Variants in FAT3 observed in about 807,000 individuals in gnomAD.
FAT3 encodes FAT atypical cadherin 3.
A neutral mutation model predicts 310.2 loss-of-function variants in FAT3; 95 were observed. The ratio of observed to expected loss-of-function variants is 0.31; its 90% CI spans 0.26 to 0.36. The LOEUF (loss-of-function observed/expected upper bound fraction) is 0.36. Ranked by LOEUF, FAT3 falls within the 10% of genes least tolerant of loss-of-function variation. The pLI is 1.00. For missense variants in FAT3, 5,408 were observed against 5,715.6 expected, an observed-to-expected ratio of 0.95 and a Z score of 1.74; for synonymous variants, 2,314 against 2,192.9, an observed-to-expected ratio of 1.06 and a Z score of -1.54.
At chr11:92,265,247 A>T (rs1050931512) in intron 1 of FAT3, among the ~76,000 whole-genome samples, 1 of 151,700 alleles carries the variant, frequency 6.6e-6, no homozygotes, top group South Asian at 2.1e-4. Context: ...GCTTGACTAG[A>T]CTAGGAACAA....
At chr11:92,494,127 G>T (rs1952685497) in intron 2 of FAT3, among the ~76,000 whole-genome samples, 1 of 151,552 alleles carries the variant, frequency 6.6e-6, no homozygotes, top group South Asian at 2.1e-4. Context: ...GAGAGTGAGT[G>T]CAGGGGAAAA....
chr11:92,774,208 G>A (rs367758892), intron 7 of FAT3, 28 bp downstream of exon 7: 2 of 1,580,014 alleles, frequency 1.3e-6, no homozygotes, highest in Non-Finnish European at 1.7e-6. Context: ...TGAATAGCAG[G>A]AATGCTGAAA....
rs766005234 is a variant in FAT3 at position 92,834,879 on chromosome 11, C to T, written c.9881C>T (p.Ser3294Phe). The T allele has an allele frequency of 3.7e-6, 6 of 1,606,996 alleles. No homozygotes were observed. In the South Asian group the frequency reaches 6.7e-5, roughly 18 times the overall value. ...CCATTTTTCTTCAAAGGGGGTATTT[C>T]TGTCTCTGAAGTCCTGGACTATGAA... ...FKINPKTGGISVSEVLDYELC... is the reference protein window; with the variant it reads ...FKINPKTGGIFVSEVLDYELC... The change falls in exon 15 of 28, where the codon TCT (serine) becomes TTT (phenylalanine). Residue 3294 changes from serine to phenylalanine, a missense_variant. By Grantham distance (155) the Ser-to-Phe change is radical. Coordinates refer to ENST00000525166, the MANE Select transcript of FAT3 (RefSeq NM_001367949.2).
chr11:92,421,501 T>C (rs1046098535), intron 2 of FAT3, among the ~76,000 whole-genome samples: 6 of 152,218 alleles, frequency 3.9e-5, no homozygotes, highest in Non-Finnish European at 8.8e-5. Context: ...CCCTGTTTTA[T>C]TGGCAAGTGA....
Position 92,893,353 on chromosome 11 carries a change from G to A in FAT3, c.*2240G>A, listed in dbSNP as rs1345232222. The A allele has an allele frequency of 1.3e-5, 2 of 152,150 alleles. No individual in the cohort carries two copies. The highest frequency in any genetic ancestry group is 1.9e-4 in the East Asian group (1 of 5,204). The allele number at this position is 152,150 out of a possible 1,614,324, so 9.4% of individuals were successfully genotyped here. A position where few individuals can be genotyped will look rare whatever the true frequency, so the allele number is the denominator to read the frequency against. ...ACAAAGTCTTTGGTATTTTTCTTAT[G>A]TAAGAAGCACATTTGCAAGAATCAT... On this transcript the variant is annotated 3_prime_UTR_variant, in exon 28 of 28. Coordinates refer to ENST00000525166, the MANE Select transcript of FAT3 (RefSeq NM_001367949.2).
chr11:92,453,920 T>C (rs992212378), intron 2 of FAT3, among the ~76,000 whole-genome samples: 1 of 152,208 alleles, frequency 6.6e-6, no homozygotes, highest in Non-Finnish European at 1.5e-5. Flanking sequence ...AGGAAATTCT[T>C]TTATTTGTTT....
intron 2 of FAT3, among the ~76,000 whole-genome samples, chr11:92,412,366 G>T (rs1950291667): frequency 2.8e-5 from 4 of 142,764 alleles, no homozygotes; most frequent in Admixed American, 1.5e-4. Flanking sequence ...CTCCCAAAGT[G>T]CTGGGATTAC....
Position 92,417,942 on chromosome 11 carries a change from C to T in FAT3, c.3292+62538C>T, listed in dbSNP as rs73548456. Among the ~76,000 whole-genome samples, 1,440 of 152,166 alleles carry T rather than the reference C, an allele frequency of 9.5e-3. 17 individuals carry two copies. The highest frequency in any genetic ancestry group is 0.034 in the African/African-American group (1,393 of 41,520). On this transcript the variant is annotated intron_variant, in intron 2 of 27. Transcript: ENST00000525166. ...CAGTAGATATAGAAGGTGCTTTACC[C>T]CTAAACCAGCAGGTGCTTAATGAAT...
At chr11:92,300,419 T>C (rs568438585) in intron 1 of FAT3, among the ~76,000 whole-genome samples, 46 of 152,262 alleles carry the variant, frequency 3.0e-4, no homozygotes, top group African/African-American at 1.1e-3. Flanking sequence ...GGGCTTTGTC[T>C]TACACACTTT....
At chr11:92,341,900 A>C (rs1045892502) in intron 1 of FAT3, among the ~76,000 whole-genome samples, 2 of 152,110 alleles carry the variant, frequency 1.3e-5, no homozygotes, top group African/African-American at 4.8e-5. Context: ...AACCTTCATG[A>C]AGCCAGATAT....
At position 92,291,956 on chromosome 11, in the gene FAT3, A is replaced by C. The variant is rs191324185; in HGVS notation, c.-17-60140A>C. Among the ~76,000 whole-genome samples, 245 of 152,178 alleles carry C rather than the reference A, an allele frequency of 1.6e-3. 1 individual carries two copies. Among genetic ancestry groups the C allele is most frequent in the African/African-American group, 5.7e-3 (236 of 41,568 alleles). The stretch of plus-strand genomic sequence containing the variant: ...TTATTTTTTTCAAGGAAAAAATATC[A>C]CTTTTAGCAATATCATGGTTTTTTT... On this transcript the variant is annotated intron_variant, in intron 1 of 27. Coordinates refer to ENST00000525166, the MANE Select transcript of FAT3 (RefSeq NM_001367949.2).
At chr11:92,866,210 T>C (rs1286630822) in intron 21 of FAT3, among the ~76,000 whole-genome samples, 2 of 152,202 alleles carry the variant, frequency 1.3e-5, no homozygotes, top group Non-Finnish European at 2.9e-5. Context: ...AACATATATG[T>C]ATTTGTGTGA....
At chr11:92,248,549 G>GTACT (rs1261833009) in intron 1 of FAT3, among the ~76,000 whole-genome samples, 1 of 152,066 alleles carries the variant, frequency 6.6e-6, no homozygotes. Flanking sequence ...AATTTACCCT[G>GTACT]TACTTGCCAC....
At chr11:92,337,452 A>G (rs1041646059) in intron 1 of FAT3, among the ~76,000 whole-genome samples, 1 of 152,108 alleles carries the variant, frequency 6.6e-6, no homozygotes, top group South Asian at 2.1e-4. Context: ...TTGTTTTGAG[A>G]TGGAATTTCC....
chr11:92,432,075 A>T (rs1950796525), intron 2 of FAT3, among the ~76,000 whole-genome samples: 1 of 152,180 alleles, frequency 6.6e-6, no homozygotes, highest in African/African-American at 2.4e-5. Context: ...TTGAATCTAT[A>T]AATTACCTTG....
intron 7 of FAT3, among the ~76,000 whole-genome samples, chr11:92,780,485 T>C (rs146476300): frequency 1.3e-5 from 2 of 152,190 alleles, no homozygotes; most frequent in African/African-American, 4.8e-5. Flanking sequence ...CTTTTTATGA[T>C]ACAAATAGAA....
intron 4 of FAT3, among the ~76,000 whole-genome samples, chr11:92,714,645 CT>C (rs1944620033): frequency 6.6e-6 from 1 of 152,128 alleles, no homozygotes. Context: ...CAGTTTGTCC[CT>C]CAACCTAATT....
chr11:92,523,118 T>A (rs1953739817), intron 2 of FAT3, among the ~76,000 whole-genome samples: 1 of 152,210 alleles, frequency 6.6e-6, no homozygotes, highest in South Asian at 2.1e-4. Flanking sequence ...AAAGCTGTCT[T>A]TATTCATTCA....
In FAT3 at chr11:92,612,115, C is replaced by T. The variant is rs577553188; in HGVS notation, c.3608-85269C>T. 2.6e-5 allele frequency among the ~76,000 whole-genome samples: 4 copies of T among 152,310 alleles called. 1 individual carries two copies. In the South Asian group the frequency reaches 8.3e-4, roughly 32 times the overall value. Reference sequence around the variant, plus strand: ...ATTGTCTCCCTATATTTAGAGTTAACCCAGAGTGATAGCATCTCTGTGTTT... The same window carrying T: ...ATTGTCTCCCTATATTTAGAGTTAATCCAGAGTGATAGCATCTCTGTGTTT... On this transcript the variant is annotated intron_variant, in intron 3 of 27. Coordinates refer to ENST00000525166, the MANE Select transcript of FAT3 (RefSeq NM_001367949.2).
Sources: allele counts gnomAD v4.1 joint callset (sites outside exome capture counted in the v4.1 genomes callset), GRCh38; gene constraint gnomAD v4.1.1; transcripts MANE v1.5; gene names NCBI Gene and HGNC (gene_info 2026-07-23, HGNC 2026-07-21).